Variants in RBFOX1 observed in about 807,000 individuals in gnomAD.
RBFOX1 encodes RNA binding fox-1 homolog 1.
Under a neutral mutation model 57.7 loss-of-function variants are expected in RBFOX1, and 8 were observed. The ratio of observed to expected loss-of-function variants is 0.14; its 90% CI spans 0.08 to 0.25. RBFOX1 has a LOEUF of 0.25. Among genes scored for constraint, RBFOX1 ranks in the 10% least tolerant of loss-of-function variants. The probability of loss-of-function intolerance (pLI) is 1.00; values close to 1 mark genes in which losing one functional copy is unlikely to be tolerated. For missense variants in RBFOX1, 611 were observed against 548.5 expected, an observed-to-expected ratio of 1.11 and a Z score of -1.14; for synonymous variants, 326 against 222.4, an observed-to-expected ratio of 1.47 and a Z score of -4.15.
chr16:5,590,473 G>A (rs192997302), intron 2 of RBFOX1, among the ~76,000 whole-genome samples: 2 of 152,324 alleles, frequency 1.3e-5, no homozygotes, highest in East Asian at 3.9e-4. Flanking sequence ...AAGGGCTGGG[G>A]GTGGTTTGAT....
intron 4 of RBFOX1, among the ~76,000 whole-genome samples, chr16:7,399,202 T>G (rs2098194476): frequency 6.6e-6 from 1 of 152,142 alleles, no homozygotes; most frequent in African/African-American, 2.4e-5. Context: ...TATCCCAACA[T>G]TTTGGGAGGC....
At chr16:6,420,988 T>C (rs2093756236) in intron 2 of RBFOX1, among the ~76,000 whole-genome samples, 1 of 152,214 alleles carries the variant, frequency 6.6e-6, no homozygotes. Context: ...TGTTGCAGCG[T>C]GAACATCTCC....
intron 4 of RBFOX1, among the ~76,000 whole-genome samples, chr16:7,392,796 C>T (rs1488800508): frequency 6.6e-6 from 1 of 152,040 alleles, no homozygotes; most frequent in Non-Finnish European, 1.5e-5. Context: ...TGTCCTCAGT[C>T]CGTGGATTGT....
intron 3 of RBFOX1, among the ~76,000 whole-genome samples, chr16:7,004,858 T>TG (rs1258649362): frequency 6.6e-6 from 1 of 152,078 alleles, no homozygotes; most frequent in East Asian, 1.9e-4. Flanking sequence ...GTTGAATCCT[T>TG]GAGCAAAGAG....
intron 1 of RBFOX1, among the ~76,000 whole-genome samples, chr16:5,271,943 G>C (rs1006559939): frequency 6.6e-6 from 1 of 152,150 alleles, no homozygotes; most frequent in African/African-American, 2.4e-5. Flanking sequence ...TCTTTTTTAA[G>C]GGTTAATAGT....
chr16:6,793,954 A>C (rs983850054), intron 3 of RBFOX1, among the ~76,000 whole-genome samples: 1 of 152,112 alleles, frequency 6.6e-6, no homozygotes, highest in Admixed American at 6.6e-5. Context: ...TGAAAACAAG[A>C]GGGTGGTAAT....
intron 2 of RBFOX1, among the ~76,000 whole-genome samples, chr16:6,556,401 G>C (rs991589607): frequency 2.6e-5 from 4 of 152,124 alleles, no homozygotes; most frequent in African/African-American, 7.2e-5. Context: ...GGCAAATGTT[G>C]AATGTGGTGA....
At chr16:6,277,641 G>C (rs2075963158) in intron 1 of RBFOX1, among the ~76,000 whole-genome samples, 1 of 142,476 alleles carries the variant, frequency 7.0e-6, no homozygotes. Context: ...AACCCAGCCT[G>C]GGCTACAGAG....
chr16:6,244,298 G>A (rs561731549), intron 1 of RBFOX1, among the ~76,000 whole-genome samples: 5 of 151,946 alleles, frequency 3.3e-5, no homozygotes, highest in Admixed American at 2.6e-4. Flanking sequence ...TTTGTTTGGC[G>A]GTCAAGGCCT....
chr16:6,091,529 C>A (rs564603996), intron 1 of RBFOX1, among the ~76,000 whole-genome samples: 262 of 151,936 alleles, frequency 1.7e-3, no homozygotes, highest in African/African-American at 5.5e-3. Flanking sequence ...GGTAGGTATT[C>A]AAAAAAAACA....
chr16:7,597,311 C>T (rs2094755532), intron 8 of RBFOX1, 60 bp from the exon 9 acceptor site: 1 of 1,272,670 alleles, frequency 7.9e-7, no homozygotes, highest in East Asian at 2.4e-5. Context: ...ATGCATGCAA[C>T]TAATTGAATT....
Position 7,335,458 on chromosome 16 carries a change from G to A in RBFOX1, c.28-182689G>A, listed in dbSNP as rs147253091. 3.6e-3 allele frequency among the ~76,000 whole-genome samples: 541 copies of A among 152,230 alleles called. 3 individuals are homozygous for A. Among genetic ancestry groups the A allele is most frequent in the African/African-American group, 0.012 (517 of 41,546 alleles). On this transcript the variant is annotated intron_variant, in intron 4 of 15. Transcript: ENST00000550418. The stretch of plus-strand genomic sequence containing the variant: ...TGGAAGGATTGTTGTATTATAGTTG[G>A]AGATTACTTTTCAAGGTCTTTCCAA...
At chr16:6,216,820 A>T (rs1872867539) in intron 1 of RBFOX1, among the ~76,000 whole-genome samples, 1 of 152,098 alleles carries the variant, frequency 6.6e-6, no homozygotes, top group Non-Finnish European at 1.5e-5. Flanking sequence ...TTATTTTTTA[A>T]AATGCAGCTT....
At chr16:6,819,588 C>T (rs552323015) in intron 3 of RBFOX1, among the ~76,000 whole-genome samples, 129 of 151,584 alleles carry the variant, frequency 8.5e-4, no homozygotes, top group African/African-American at 3.0e-3. Flanking sequence ...GCCTGTAATC[C>T]CAGCTACTCG....
intron 3 of RBFOX1, among the ~76,000 whole-genome samples, chr16:5,796,871 T>G (rs1300523343): frequency 3.9e-5 from 6 of 152,246 alleles, no homozygotes; most frequent in Admixed American, 3.9e-4. Flanking sequence ...CATTCATCAA[T>G]TCATTGTTTG....
chr16:6,771,396 T>C (rs1603618972), intron 3 of RBFOX1, among the ~76,000 whole-genome samples: 1 of 152,132 alleles, frequency 6.6e-6, no homozygotes, highest in East Asian at 1.9e-4. Context: ...GACGCCTAAG[T>C]CAGCAGCCCT....
chr16:6,956,406 C>G (rs114093298), intron 3 of RBFOX1, among the ~76,000 whole-genome samples: 1 of 152,328 alleles, frequency 6.6e-6, no homozygotes, highest in South Asian at 2.1e-4. Context: ...GCAGGCTCCG[C>G]TGTCTTCCAG....
At chr16:6,702,308 C>A (rs1027605680) in intron 3 of RBFOX1, among the ~76,000 whole-genome samples, 2 of 152,156 alleles carry the variant, frequency 1.3e-5, no homozygotes, top group Non-Finnish European at 2.9e-5. Flanking sequence ...AAACCCAGTA[C>A]TTTGGAAGGC....
intron 4 of RBFOX1, among the ~76,000 whole-genome samples, chr16:7,493,634 C>T (rs1840722433): frequency 6.6e-6 from 1 of 152,254 alleles, no homozygotes; most frequent in African/African-American, 2.4e-5. Flanking sequence ...TGGAGTAATG[C>T]ATTTTGAAGT....
Sources: gnomAD v4.1 joint callset for allele counts (sites outside exome capture counted in the v4.1 genomes callset) on GRCh38, gnomAD v4.1.1 for gene constraint, MANE v1.5 for transcripts, NCBI Gene and HGNC (gene_info 2026-07-23, HGNC 2026-07-21) for gene names.